HAUS4: variants seen among roughly 807,000 people sequenced by gnomAD.
HAUS4 encodes HAUS augmin like complex subunit 4, also known as HAUS augmin-like complex subunit 4.
A neutral mutation model predicts 50.6 loss-of-function variants in HAUS4; 34 were observed. That is an observed-to-expected ratio of 0.67 (90% CI 0.51 to 0.90). The LOEUF is 0.90. Among genes scored for constraint, HAUS4 ranks in the 40% least tolerant of loss-of-function variants. HAUS4 has a pLI of 0.00. For synonymous variants in HAUS4, 149 were observed against 161.4 expected (o/e 0.92, Z 0.58); for missense variants, 370 against 428.7 (o/e 0.86, Z 1.21).
intron 1 of HAUS4, 32 bp from the exon 2 acceptor site, chr14:22,955,208 A>T: frequency 7.7e-7 from 1 of 1,303,488 alleles, no homozygotes; most frequent in Non-Finnish European, 1.1e-6. Context: ...GAAAACAAAA[A>T]GATGAATAAA....
chr14:22,947,511 G>T, intron 8 of HAUS4, 90 bp downstream of exon 8: 1 of 1,420,678 alleles, frequency 7.0e-7, no homozygotes. Flanking sequence ...AAGGCGCTAG[G>T]ATAAGGGAGA....
chr14:22,952,158 C>T (rs2044766069), intron 4 of HAUS4, among the ~76,000 whole-genome samples, 170 bp downstream of exon 4: 1 of 152,202 alleles, frequency 6.6e-6, no homozygotes, highest in Admixed American at 6.5e-5. Flanking sequence ...GCTGGGATTA[C>T]AGGCGTGTGC....
intron 5 of HAUS4, 172 bp downstream of exon 5, chr14:22,951,383 C>G (rs1049564329): frequency 1.5e-6 from 1 of 678,306 alleles, no homozygotes; most frequent in African/African-American, 1.8e-5. Flanking sequence ...CTTCTAGATG[C>G]AGTATTTCAG....
rs761609257 is a variant in HAUS4 at position 22,952,729 on chromosome 14, G to A, written c.56-46C>T. 4 of 1,504,682 alleles carry A rather than the reference G, an allele frequency of 2.7e-6. No individual in the cohort carries two copies. In the East Asian group the frequency reaches 9.1e-5, roughly 34 times the overall value. 93.2% of individuals were successfully genotyped at this position (1,504,682 alleles called of 1,614,324 possible). A position where few individuals can be genotyped will look rare whatever the true frequency, so the allele number is the denominator to read the frequency against. On this transcript the variant is annotated intron_variant, in intron 2 of 9. Transcript: ENST00000541587. The stretch of plus-strand genomic sequence containing the variant: ...GGTACAAAAAAACAAAAAAGGTGTG[G>A]ACTCTTACTTTACATAACTGAGCAT...
intron 2 of HAUS4, 98 bp downstream of exon 2, chr14:22,955,002 G>A: frequency 1.1e-6 from 1 of 889,472 alleles, no homozygotes; most frequent in Non-Finnish European, 1.9e-6. Flanking sequence ...TGGGATTACA[G>A]GTGTGAGCCA....
At position 22,955,144 on chromosome 14, in the gene HAUS4, C is replaced by T. The variant is rs1290216014; in HGVS notation, c.11G>A (p.Gly4Glu). The T allele has an allele frequency of 1.2e-5, 20 of 1,611,486 alleles. No individual in the cohort carries two copies. The highest frequency in any genetic ancestry group is 1.7e-5 in the Non-Finnish European group (20 of 1,177,726). MASGDFCSPGEGME... is the reference protein window; with the variant it reads MASEDFCSPGEGME... ...CCCTTCTCCAGGTGAGCAGAAATCC[C>T]CGGATGCCATTTGATTTTCTTGGGA... Residue 4 changes from glycine to glutamate, a missense_variant, in exon 2 of 10, where the codon GGG becomes GAG. Gly to Glu is a moderately conservative substitution (Grantham distance 98). Coordinates refer to ENST00000541587, the MANE Select transcript of HAUS4 (RefSeq NM_001166269.2).
chr14:22,956,027 G>A (rs548510437), intron 1 of HAUS4, among the ~76,000 whole-genome samples: 79 of 152,152 alleles, frequency 5.2e-4, no homozygotes, highest in African/African-American at 1.7e-3. Flanking sequence ...ACTCCAAAGG[G>A]CAACTGAGCC....
rs755398528 is a variant in HAUS4 at position 22,947,581 on chromosome 14, C to T, written c.839+20G>A. ...AACGTGAGACAGAATCCCTTAAGAT[C>T]CACAGGGGTCACAGCTCACCTCAGC... On this transcript the variant is annotated intron_variant, in intron 8 of 9. Transcript: ENST00000541587. 17 of 1,613,410 alleles carry T rather than the reference C, an allele frequency of 1.1e-5. No individual in the cohort carries two copies. In the South Asian group the frequency reaches 1.8e-4, roughly 17 times the overall value.
intron 5 of HAUS4, among the ~76,000 whole-genome samples, chr14:22,951,032 C>CA (rs1399841545): frequency 2.0e-5 from 3 of 152,166 alleles, no homozygotes; most frequent in Non-Finnish European, 4.4e-5. Context: ...GACAGGGTCT[C>CA]ACTCTGTGCC....
intron 3 of HAUS4, 31 bp from the exon 4 acceptor site, chr14:22,952,490 C>G: frequency 6.2e-7 from 1 of 1,613,538 alleles, no homozygotes; most frequent in Non-Finnish European, 8.5e-7. Context: ...AGGTAGGAAC[C>G]TCTCTCTCAG....
At chr14:22,951,923 C>A (rs760359413) in intron 4 of HAUS4, among the ~76,000 whole-genome samples, 6 of 152,210 alleles carry the variant, frequency 3.9e-5, no homozygotes, top group South Asian at 2.1e-4. Context: ...CAAACCATTT[C>A]TCAAAGCTCC....
At chr14:22,947,539 A>C in intron 8 of HAUS4, 62 bp downstream of exon 8, 2 of 1,569,348 alleles carry the variant, frequency 1.3e-6, no homozygotes, top group Non-Finnish European at 8.7e-7. Context: ...GATTAGGGTA[A>C]GGGATAGAGG....
chr14:22,951,503 T>A (rs773616333), intron 5 of HAUS4, 52 bp downstream of exon 5: 1 of 1,586,472 alleles, frequency 6.3e-7, no homozygotes, highest in Non-Finnish European at 8.6e-7. Flanking sequence ...TTTAAAGATA[T>A]GGGAGAAATT....
chr14:22,951,797 A>C (rs2044758020), intron 4 of HAUS4, 108 bp from the exon 5 acceptor site: 10 of 977,346 alleles, frequency 1.0e-5, no homozygotes, highest in Non-Finnish European at 1.5e-5. Context: ...AAGTCCTCAA[A>C]TATATCATCC....
chr14:22,956,674 G>A (rs946471775), intron 1 of HAUS4: 1 of 152,160 alleles, frequency 6.6e-6, no homozygotes, highest in Non-Finnish European at 1.5e-5. Context: ...TAAATTCTTA[G>A]AGCTGTCTTT....
At chr14:22,953,761 C>T (rs1249156828) in intron 2 of HAUS4, among the ~76,000 whole-genome samples, 1 of 151,706 alleles carries the variant, frequency 6.6e-6, no homozygotes, top group Non-Finnish European at 1.5e-5. Context: ...GCTGGGACTA[C>T]AGGCACCCGC....
At chr14:22,949,433 G>C (rs2044709159) in intron 6 of HAUS4, among the ~76,000 whole-genome samples, 1 of 151,454 alleles carries the variant, frequency 6.6e-6, no homozygotes, top group Non-Finnish European at 1.5e-5. Context: ...GGAGGCTGAG[G>C]CAGGAGAATG....
chr14:22,951,472 A>T, intron 5 of HAUS4, 83 bp downstream of exon 5: 1 of 1,480,568 alleles, frequency 6.8e-7, no homozygotes, highest in Non-Finnish European at 9.3e-7. Context: ...CAAAAACAAT[A>T]AAGCTTGACA....
chr14:22,952,612 G>A lies in HAUS4; in HGVS notation c.127C>T (p.Leu43Phe), dbSNP rs779822937. Residue 43 changes from leucine to phenylalanine, a missense_variant, in exon 3 of 10, where the codon CTT becomes TTT. Transcript: ENST00000541587. ...ACATGCTGTGAGAGATTCAGGAGAA[G>A]CTTGCTGAAGTATGGGTTCTGTAAC... is the stretch of plus-strand genomic sequence containing the variant. ...DLLQNPYFSK[L>F]LLNLSQHVDE... The A allele has an allele frequency of 3.1e-6, 5 of 1,613,852 alleles. No homozygotes were observed. The highest frequency in any genetic ancestry group is 4.2e-6 in the Non-Finnish European group (5 of 1,179,838).
Sources: allele counts gnomAD v4.1 joint callset (sites outside exome capture counted in the v4.1 genomes callset), GRCh38; gene constraint gnomAD v4.1.1; transcripts MANE v1.5; gene names NCBI Gene and HGNC (gene_info 2026-07-23, HGNC 2026-07-21).